Variants in CTTNBP2 observed in about 807,000 individuals in gnomAD.
CTTNBP2 encodes the protein cortactin binding protein 2, also known as cortactin-binding protein 2.
Under a neutral mutation model 156.9 loss-of-function variants are expected in CTTNBP2, and 108 were observed. The ratio of observed to expected loss-of-function variants is 0.69; its 90% CI spans 0.59 to 0.81. The LOEUF is 0.81. CTTNBP2 is among the 30% of genes least tolerant of loss of function. The pLI, the probability that CTTNBP2 is intolerant of heterozygous loss-of-function variation, is 0.00. For missense variants in CTTNBP2, 1,924 were observed against 2,035.4 expected (o/e 0.95, Z 1.05); for synonymous variants, 767 against 751.8 (o/e 1.02, Z -0.33).
chr7:117,824,476 G>C (rs938241555), intron 2 of CTTNBP2, among the ~76,000 whole-genome samples: 2 of 152,014 alleles, frequency 1.3e-5, no homozygotes, highest in African/African-American at 4.8e-5. Context: ...GTTTGTTACT[G>C]ATTCAATTTT....
At chr7:117,830,909 C>G (rs1801563121) in intron 2 of CTTNBP2, among the ~76,000 whole-genome samples, 1 of 152,046 alleles carries the variant, frequency 6.6e-6, no homozygotes, top group Non-Finnish European at 1.5e-5. Flanking sequence ...CCTAGACTAC[C>G]AAATAGTCAA....
At chr7:117,748,391 A>T (rs1021646015) in intron 12 of CTTNBP2, among the ~76,000 whole-genome samples, 1 of 151,998 alleles carries the variant, frequency 6.6e-6, no homozygotes, top group African/African-American at 2.4e-5. Context: ...ATTTTTCTCC[A>T]ATTTTTTGGT....
intron 2 of CTTNBP2, among the ~76,000 whole-genome samples, chr7:117,846,146 C>T (rs988157917): frequency 2.6e-5 from 4 of 152,164 alleles, no homozygotes; most frequent in Non-Finnish European, 4.4e-5. Flanking sequence ...CCACCGCGCC[C>T]GGTCCTGTTA....
intron 1 of CTTNBP2, among the ~76,000 whole-genome samples, 182 bp from the exon 2 acceptor site, chr7:117,861,498 A>C (rs1050503740): frequency 3.9e-5 from 6 of 152,032 alleles, no homozygotes; most frequent in Non-Finnish European, 8.8e-5. Flanking sequence ...AAAAACTATA[A>C]CGCCAATCTC....
At chr7:117,799,612 T>A (rs1799507274) in intron 3 of CTTNBP2, among the ~76,000 whole-genome samples, 1 of 152,090 alleles carries the variant, frequency 6.6e-6, no homozygotes, top group African/African-American at 2.4e-5. Flanking sequence ...CTTTCACTAC[T>A]TCTGTTCAAC....
At chr7:117,747,254 A>G (rs998985938) in intron 12 of CTTNBP2, among the ~76,000 whole-genome samples, 5 of 152,154 alleles carry the variant, frequency 3.3e-5, no homozygotes, top group African/African-American at 9.7e-5. Flanking sequence ...GTGTGTGTGT[A>G]TCTCTGTGTT....
chr7:117,757,068 C>T (rs1190703794), intron 11 of CTTNBP2, among the ~76,000 whole-genome samples: 1 of 152,222 alleles, frequency 6.6e-6, no homozygotes, highest in Non-Finnish European at 1.5e-5. Context: ...CAATACTCGC[C>T]ACCCCTCCCC....
At chr7:117,834,516 C>T (rs1801811762) in intron 2 of CTTNBP2, among the ~76,000 whole-genome samples, 1 of 152,118 alleles carries the variant, frequency 6.6e-6, no homozygotes, top group South Asian at 2.1e-4. Context: ...TACCACTCAC[C>T]CCAGTTAGGA....
intron 2 of CTTNBP2, among the ~76,000 whole-genome samples, chr7:117,815,754 A>T (rs1413077303): frequency 6.6e-6 from 1 of 152,106 alleles, no homozygotes; most frequent in African/African-American, 2.4e-5. Flanking sequence ...ACGTTTTTTT[A>T]AAAAATCATG....
At chr7:117,828,002 C>T (rs2067080) in intron 2 of CTTNBP2, among the ~76,000 whole-genome samples, 77,404 of 151,878 alleles carry the variant, frequency 0.51, 20,419 homozygotes, top group East Asian at 0.71. Flanking sequence ...AGGAGTAACT[C>T]GCCAACTGCA....
intron 3 of CTTNBP2, among the ~76,000 whole-genome samples, chr7:117,804,377 T>C (rs1799804139): frequency 6.6e-6 from 1 of 152,194 alleles, no homozygotes; most frequent in African/African-American, 2.4e-5. Flanking sequence ...TCTTATGTAC[T>C]ATGAAAAACA....
intron 8 of CTTNBP2, among the ~76,000 whole-genome samples, chr7:117,777,175 T>C (rs1007411731): frequency 6.6e-6 from 1 of 152,158 alleles, no homozygotes; most frequent in African/African-American, 2.4e-5. Flanking sequence ...TGCCTCTAAC[T>C]AGCAGCATGG....
intron 14 of CTTNBP2, among the ~76,000 whole-genome samples, chr7:117,742,144 G>A (rs569293465): frequency 4.6e-5 from 7 of 152,246 alleles, no homozygotes; most frequent in South Asian, 2.1e-4. Flanking sequence ...AAAGTATTTC[G>A]ACAGAGGCTT....
chr7:117,766,607 A>G (rs1797498511), intron 9 of CTTNBP2, among the ~76,000 whole-genome samples: 1 of 152,190 alleles, frequency 6.6e-6, no homozygotes, highest in African/African-American at 2.4e-5. Context: ...GCTGAGGAGC[A>G]TATACTCGTG....
At chr7:117,817,379 T>A (rs1800681019) in intron 2 of CTTNBP2, among the ~76,000 whole-genome samples, 1 of 118,190 alleles carries the variant, frequency 8.5e-6, no homozygotes, top group South Asian at 2.8e-4. Flanking sequence ...TATATATATA[T>A]ATATATATAA....
At chr7:117,788,697 T>G (rs761937684) in intron 4 of CTTNBP2, among the ~76,000 whole-genome samples, 23 of 152,206 alleles carry the variant, frequency 1.5e-4, no homozygotes, top group Non-Finnish European at 2.9e-4. Context: ...ACTACATTTA[T>G]ACTTGAGTTG....
intron 4 of CTTNBP2, chr7:117,786,319 TATG>T (rs1231688750): frequency 3.5e-5 from 12 of 339,088 alleles, no homozygotes. Flanking sequence ...ATCTAAACTT[TATG>T]ATATTTTCCT....
chr7:117,795,439 A>T (rs1799264902), intron 3 of CTTNBP2, among the ~76,000 whole-genome samples: 1 of 152,200 alleles, frequency 6.6e-6, no homozygotes. Flanking sequence ...TTAAAATACA[A>T]ATTTCATCAT....
chr7:117,740,905 T>A (rs1795975100), intron 14 of CTTNBP2, among the ~76,000 whole-genome samples: 3 of 152,160 alleles, frequency 2.0e-5, no homozygotes, highest in Admixed American at 2.0e-4. Context: ...GCCCACAGCA[T>A]GGGTCCTACT....
Sources: allele counts gnomAD v4.1 joint callset (sites outside exome capture counted in the v4.1 genomes callset), GRCh38; gene constraint gnomAD v4.1.1; transcripts MANE v1.5; gene names NCBI Gene and HGNC (gene_info 2026-07-23, HGNC 2026-07-21).